FSTL5: variants seen among roughly 807,000 people sequenced by gnomAD.
The protein encoded by FSTL5 is follistatin like 5.
In FSTL5, 62 loss-of-function variants were observed where a neutral mutation model predicts 89.1. That is an observed-to-expected ratio of 0.70 (90% CI 0.57 to 0.86). FSTL5 has a LOEUF of 0.86. FSTL5 is among the 40% of genes least tolerant of loss of function. The pLI is 0.00. For synonymous variants in FSTL5, 383 were observed against 346.2 expected (o/e 1.11, Z -1.18); for missense variants, 1,057 against 1,001.6 (o/e 1.06, Z -0.75).
intron 4 of FSTL5, among the ~76,000 whole-genome samples, chr4:161,872,128 G>GTTTTTTTGTTTGTTTTTTTTTTTTT: frequency 1.6e-5 from 1 of 64,148 alleles, no homozygotes; most frequent in East Asian, 6.6e-4. Context: ...TTTGTAGTTT[G>GTTTTTTTGTTTGTTTTTTTTTTTTT]TTTTTTTTTT....
intron 2 of FSTL5, among the ~76,000 whole-genome samples, chr4:162,041,620 A>T (rs1016450213): frequency 4.6e-5 from 7 of 152,112 alleles, no homozygotes; most frequent in Non-Finnish European, 7.3e-5. Flanking sequence ...TTGTATATTC[A>T]TATTGTATTT....
At position 161,994,697 on chromosome 4, in the gene FSTL5, T is replaced by C. The variant is rs1209429108; in HGVS notation, c.160+38928A>G. 2.0e-5 allele frequency among the ~76,000 whole-genome samples: 3 copies of C among 152,220 alleles called. No individual in the cohort carries two copies. The East Asian group carries it at 5.8e-4, about 29-fold the overall frequency. ...GTGTCTTCTTTTGAAAAGTGTCTGT[T>C]ATGTGCTTTTCCTACTTTTTAATGA... On this transcript the variant is annotated intron_variant, in intron 3 of 15. Coordinates refer to ENST00000306100, the MANE Select transcript of FSTL5 (RefSeq NM_020116.5).
At chr4:161,480,194 G>A (rs1054957736) in intron 13 of FSTL5, among the ~76,000 whole-genome samples, 1 of 152,222 alleles carries the variant, frequency 6.6e-6, no homozygotes, top group African/African-American at 2.4e-5. Context: ...ACATGCCAGG[G>A]TCTACTATAA....
At chr4:161,792,053 C>A (rs1479413140) in intron 4 of FSTL5, among the ~76,000 whole-genome samples, 1 of 152,166 alleles carries the variant, frequency 6.6e-6, no homozygotes, top group African/African-American at 2.4e-5. Context: ...CATCCCTGCA[C>A]CCTTGGTGGC....
chr4:161,559,330 T>A (rs1732504306), intron 8 of FSTL5, among the ~76,000 whole-genome samples: 1 of 151,802 alleles, frequency 6.6e-6, no homozygotes, highest in African/African-American at 2.4e-5. Flanking sequence ...TTTCCTTCCA[T>A]CCTCCTCCTT....
intron 8 of FSTL5, among the ~76,000 whole-genome samples, chr4:161,574,429 G>A (rs11942241): frequency 0.023 from 3,532 of 150,790 alleles, 137 homozygotes; most frequent in African/African-American, 0.078. Flanking sequence ...ATGTGCCAGC[G>A]TGGTTTGCTG....
At chr4:161,554,513 T>C (rs2126561934) in intron 8 of FSTL5, among the ~76,000 whole-genome samples, 1 of 151,712 alleles carries the variant, frequency 6.6e-6, no homozygotes, top group South Asian at 2.1e-4. Context: ...ACAGCATAAC[T>C]GGCTGTTTTG....
At chr4:161,392,557 G>T (rs1730855680) in intron 15 of FSTL5, among the ~76,000 whole-genome samples, 1 of 152,098 alleles carries the variant, frequency 6.6e-6, no homozygotes, top group Non-Finnish European at 1.5e-5. Flanking sequence ...ATTGTAGATT[G>T]TATTTCAAAT....
At position 162,111,386 on chromosome 4, in the gene FSTL5, C is replaced by A. The variant is rs1225130192; in HGVS notation, c.11G>T (p.Cys4Phe). 1.9e-6 allele frequency: 3 copies of A among 1,610,768 alleles called. No homozygotes were observed. Among genetic ancestry groups the A allele is most frequent in the Non-Finnish European group, 2.5e-6 (3 of 1,177,920 alleles). MFK[C>F]WSVVLVLGFI... ...TCCGAGAACCAAGACAACTGACCAG[C>A]ACTTAAACATCCTTATTGCTTTTCA... Residue 4 changes from cysteine (C) to phenylalanine (F), a missense_variant, in exon 2 of 16, where the codon TGC (cysteine) becomes TTC (phenylalanine). By Grantham distance (205) the Cys-to-Phe change is radical. Around this residue, in one of 3 missense-constraint regions of FSTL5, gnomAD observed 980 missense variants for 903.2 expected, o/e 1.08. Coordinates refer to ENST00000306100, the MANE Select transcript of FSTL5 (RefSeq NM_020116.5).
chr4:161,542,394 T>C (rs990116999), intron 9 of FSTL5, 138 bp downstream of exon 9: 3 of 447,790 alleles, frequency 6.7e-6, no homozygotes, highest in African/African-American at 6.1e-5. Context: ...TTCTTAGATA[T>C]GAGCATTTTT....
chr4:161,908,185 A>C (rs950076557), intron 4 of FSTL5, among the ~76,000 whole-genome samples: 1 of 151,974 alleles, frequency 6.6e-6, no homozygotes, highest in Non-Finnish European at 1.5e-5. Context: ...CTTACCACTT[A>C]CCTCTACCAA....
At chr4:161,745,803 A>G (rs1740180770) in intron 6 of FSTL5, among the ~76,000 whole-genome samples, 1 of 152,118 alleles carries the variant, frequency 6.6e-6, no homozygotes, top group African/African-American at 2.4e-5. Flanking sequence ...GAATGCTAAT[A>G]TAGATAGTTC....
intron 4 of FSTL5, among the ~76,000 whole-genome samples, chr4:161,913,479 A>T (rs1560913242): frequency 6.6e-6 from 1 of 152,164 alleles, no homozygotes; most frequent in Non-Finnish European, 1.5e-5. Context: ...TCCATGTGGC[A>T]TTGAGCCTGC....
At chr4:162,027,892 T>A (rs1737360599) in intron 3 of FSTL5, among the ~76,000 whole-genome samples, 1 of 152,132 alleles carries the variant, frequency 6.6e-6, no homozygotes, top group African/African-American at 2.4e-5. Context: ...AAAATTGATT[T>A]TTAATAAAAT....
At chr4:161,624,457 T>C (rs535284889) in intron 7 of FSTL5, among the ~76,000 whole-genome samples, 1 of 152,018 alleles carries the variant, frequency 6.6e-6, no homozygotes, top group Non-Finnish European at 1.5e-5. Flanking sequence ...TATCTAAACT[T>C]ACAATTTGAC....
intron 8 of FSTL5, among the ~76,000 whole-genome samples, chr4:161,551,586 T>C (rs531401057): frequency 3.3e-5 from 5 of 152,052 alleles, no homozygotes; most frequent in African/African-American, 1.2e-4. Flanking sequence ...CTTCAAACTA[T>C]ACTACAAGGC....
intron 4 of FSTL5, among the ~76,000 whole-genome samples, chr4:161,847,128 G>A (rs1731392357): frequency 6.6e-6 from 1 of 152,066 alleles, no homozygotes; most frequent in Admixed American, 6.6e-5. Flanking sequence ...TTACTTTAAT[G>A]TGCATTCAAG....
At position 162,083,712 on chromosome 4, in the gene FSTL5, T is replaced by C. The variant is rs2111339549; in HGVS notation, c.126+27559A>G. On this transcript the variant is annotated intron_variant, in intron 2 of 15. Transcript: ENST00000306100. Reference sequence around the variant, plus strand: ...ATTTCAAATATTATCAAAACATCAATTTATAATAGCAGAACATGTAAAACT... The same window carrying C: ...ATTTCAAATATTATCAAAACATCAACTTATAATAGCAGAACATGTAAAACT... Among the ~76,000 whole-genome samples the C allele has an allele frequency of 2.6e-5, 4 of 151,920 alleles. No individual in the cohort carries two copies. In the Middle Eastern group the frequency reaches 0.014, roughly 517 times the overall value.
At chr4:162,052,244 CTTACA>C (rs1216068908) in intron 2 of FSTL5, among the ~76,000 whole-genome samples, 2 of 151,042 alleles carry the variant, frequency 1.3e-5, no homozygotes, top group Non-Finnish European at 3.0e-5. Flanking sequence ...AAAAATAAAA[CTTACA>C]TTAATGAGTA....
Sources: allele counts gnomAD v4.1 joint callset (sites outside exome capture counted in the v4.1 genomes callset), GRCh38; gene constraint gnomAD v4.1.1; regional missense constraint gnomAD v4.1.1; transcripts MANE v1.5; gene names NCBI Gene and HGNC (gene_info 2026-07-23, HGNC 2026-07-21).